PTPN14: variants seen among roughly 807,000 people sequenced by gnomAD.
PTPN14 encodes the protein tyrosine-protein phosphatase non-receptor type 14.
Under a neutral mutation model 126.8 loss-of-function variants are expected in PTPN14, and 53 were observed. The observed-to-expected ratio is 0.42, with a 90% CI of 0.34 to 0.53. The LOEUF is 0.53. Ranked by LOEUF, PTPN14 falls within the 20% of genes least tolerant of loss-of-function variation. The pLI is 0.08. For missense variants in PTPN14, 1,257 were observed against 1,552.9 expected (o/e 0.81, Z 3.20); for synonymous variants, 630 against 599.3 (o/e 1.05, Z -0.75).
intron 1 of PTPN14, among the ~76,000 whole-genome samples, chr1:214,501,439 G>A (rs1012441905): frequency 1.3e-5 from 2 of 151,898 alleles, no homozygotes; most frequent in African/African-American, 4.8e-5. Context: ...ACGGGGCTTC[G>A]TGATGTTGGG....
At chr1:214,471,995 C>T (rs1313758270) in intron 1 of PTPN14, among the ~76,000 whole-genome samples, 2 of 152,174 alleles carry the variant, frequency 1.3e-5, no homozygotes, top group Non-Finnish European at 2.9e-5. Flanking sequence ...TCTCATCCTA[C>T]AATCACTCTC....
chr1:214,477,867 C>T (rs565478026), intron 1 of PTPN14, among the ~76,000 whole-genome samples: 1 of 152,256 alleles, frequency 6.6e-6, no homozygotes, highest in Non-Finnish European at 1.5e-5. Flanking sequence ...CAGAGTAAAC[C>T]TAATTCAAGA....
intron 3 of PTPN14, among the ~76,000 whole-genome samples, chr1:214,423,392 T>C (rs1571990446): frequency 6.6e-6 from 1 of 152,244 alleles, no homozygotes; most frequent in African/African-American, 2.4e-5. Context: ...GTCATATGGC[T>C]AGGCACACTT....
intron 5 of PTPN14, among the ~76,000 whole-genome samples, chr1:214,408,606 C>A (rs1659224611): frequency 6.6e-6 from 1 of 152,192 alleles, no homozygotes; most frequent in Non-Finnish European, 1.5e-5. Context: ...TAGAACTGAC[C>A]ATCTAGCTGA....
chr1:214,457,414 G>A (rs12072845), intron 2 of PTPN14, among the ~76,000 whole-genome samples: 58,421 of 152,042 alleles, frequency 0.38, 11,467 homozygotes, highest in East Asian at 0.53. Flanking sequence ...TCTCCAGAGC[G>A]CTGGATTTCC....
chr1:214,387,957 TC>T (rs1658660914), intron 11 of PTPN14, among the ~76,000 whole-genome samples: 1 of 152,030 alleles, frequency 6.6e-6, no homozygotes, highest in Non-Finnish European at 1.5e-5. Flanking sequence ...TTGCTGACCT[TC>T]CCCATTGCAG....
At chr1:214,399,257 G>A (rs12753105) in intron 7 of PTPN14, among the ~76,000 whole-genome samples, 45,872 of 151,978 alleles carry the variant, frequency 0.3, 7,360 homozygotes, top group Non-Finnish European at 0.36. Flanking sequence ...CAGCTGTGTC[G>A]GCGGGGTCAG....
At chr1:214,427,620 G>A (rs1659698077) in intron 3 of PTPN14, among the ~76,000 whole-genome samples, 1 of 152,130 alleles carries the variant, frequency 6.6e-6, no homozygotes, top group Non-Finnish European at 1.5e-5. Flanking sequence ...CCCATTCTCT[G>A]CTCTTGCTCA....
At chr1:214,447,812 C>T (rs770935084) in intron 3 of PTPN14, among the ~76,000 whole-genome samples, 5 of 152,152 alleles carry the variant, frequency 3.3e-5, no homozygotes, top group Non-Finnish European at 5.9e-5. Context: ...TTAGTTCCAG[C>T]GCTTAAATCT....
chr1:214,497,182 A>G (rs1647345359), intron 1 of PTPN14, among the ~76,000 whole-genome samples: 1 of 152,190 alleles, frequency 6.6e-6, no homozygotes, highest in Non-Finnish European at 1.5e-5. Flanking sequence ...TACTTGCAAC[A>G]TATGTAACAG....
chr1:214,478,134 T>C (rs1355029139), intron 1 of PTPN14, among the ~76,000 whole-genome samples: 3 of 152,200 alleles, frequency 2.0e-5, no homozygotes, highest in Non-Finnish European at 2.9e-5. Context: ...GAAACTTTCA[T>C]TGGAAATAAA....
rs185675855 is a variant in PTPN14 at position 214,510,948 on chromosome 1, A to C, written c.-155+40235T>G. ...GCTGAAGTGCAGTGGCACAATCACA[A>C]CTCACTGCAGCCTCGAACTGCTGGG... is the stretch of plus-strand genomic sequence containing the variant. On this transcript the variant is annotated intron_variant, in intron 1 of 18. Transcript: ENST00000366956. Among the ~76,000 whole-genome samples, 16 of 152,046 alleles carry C rather than the reference A, an allele frequency of 1.1e-4. No homozygotes were observed. In the East Asian group the frequency reaches 1.7e-3, roughly 16 times the overall value.
chr1:214,533,584 C>T (rs1219892475), intron 1 of PTPN14: 4 of 226,644 alleles, frequency 1.8e-5, no homozygotes, highest in African/African-American at 9.4e-5. Flanking sequence ...GTAATCCCAG[C>T]ACTTTGGGAG....
chr1:214,496,668 A>G (rs1413754734), intron 1 of PTPN14, among the ~76,000 whole-genome samples: 2 of 152,228 alleles, frequency 1.3e-5, no homozygotes, highest in Non-Finnish European at 2.9e-5. Flanking sequence ...CTAAGGGACC[A>G]GAGAACACTA....
chr1:214,400,526 C>T (rs1429259828), intron 7 of PTPN14, among the ~76,000 whole-genome samples: 1 of 152,158 alleles, frequency 6.6e-6, no homozygotes, highest in East Asian at 1.9e-4. Context: ...ACCTCAACTG[C>T]CCCTGTTTCT....
At chr1:214,379,697 C>G (rs546552018) in intron 13 of PTPN14, among the ~76,000 whole-genome samples, 1 of 152,236 alleles carries the variant, frequency 6.6e-6, no homozygotes, top group Non-Finnish European at 1.5e-5. Context: ...AGAGGCTAAT[C>G]AGAAACAAAA....
rs1453275743 is a variant in PTPN14 at position 214,352,764 on chromosome 1, C to T, written c.*5158G>A. ...TTTCTACAGAAGACCCAAATTTCTC[C>T]ATTTGGAAACCATGCTGGATGAGCT... is the stretch of plus-strand genomic sequence containing the variant. On this transcript the variant is annotated 3_prime_UTR_variant, in exon 19 of 19. Coordinates refer to ENST00000366956, the MANE Select transcript of PTPN14 (RefSeq NM_005401.5). The T allele has an allele frequency of 6.6e-6, 1 of 152,140 alleles. No homozygotes were observed. Among genetic ancestry groups the T allele is most frequent in the Non-Finnish European group, 1.5e-5 (1 of 68,024 alleles). 9.4% of individuals were successfully genotyped at this position (152,140 alleles called of 1,614,324 possible). A position where few individuals can be genotyped will look rare whatever the true frequency, so the allele number is the denominator to read the frequency against.
intron 1 of PTPN14, among the ~76,000 whole-genome samples, chr1:214,476,940 G>A (rs977255577): frequency 2.6e-5 from 4 of 152,234 alleles, no homozygotes; most frequent in Non-Finnish European, 5.9e-5. Context: ...GAAACACAAT[G>A]ACTGCTAAAT....
intron 3 of PTPN14, among the ~76,000 whole-genome samples, chr1:214,439,881 C>T (rs1466968079): frequency 6.6e-6 from 1 of 152,144 alleles, no homozygotes; most frequent in Non-Finnish European, 1.5e-5. Context: ...TTTAGTTCCA[C>T]TCTCTACATA....
Sources: allele counts gnomAD v4.1 joint callset (sites outside exome capture counted in the v4.1 genomes callset), GRCh38; gene constraint gnomAD v4.1.1; transcripts MANE v1.5; gene names NCBI Gene and HGNC (gene_info 2026-07-23, HGNC 2026-07-21).